Variants in RBFOX1 observed in about 807,000 individuals in gnomAD.
RBFOX1 encodes the protein RNA binding fox-1 homolog 1.
Under a neutral mutation model 57.7 loss-of-function variants are expected in RBFOX1, and 8 were observed. The observed-to-expected ratio is 0.14, with a 90% CI of 0.08 to 0.25. The LOEUF (loss-of-function observed/expected upper bound fraction) is 0.25, where lower values mean the gene tolerates loss of function less well. Ranked by LOEUF, RBFOX1 falls within the 10% of genes least tolerant of loss-of-function variation. The pLI is 1.00. For synonymous variants in RBFOX1, 326 were observed against 222.4 expected (o/e 1.47, Z -4.15); for missense variants, 611 against 548.5 (o/e 1.11, Z -1.14).
At chr16:7,199,558 C>T (rs1331378768) in intron 4 of RBFOX1, among the ~76,000 whole-genome samples, 3 of 152,150 alleles carry the variant, frequency 2.0e-5, no homozygotes, top group African/African-American at 7.2e-5. Context: ...TACTTCCATA[C>T]ACAGAATCAG....
chr16:6,392,912 T>TGAAG (rs1328469225), intron 2 of RBFOX1, among the ~76,000 whole-genome samples: 18 of 152,256 alleles, frequency 1.2e-4, no homozygotes, highest in Non-Finnish European at 2.2e-4. Flanking sequence ...ATAAACCATA[T>TGAAG]GACCCACCCT....
At chr16:5,305,776 A>G (rs2151207756) in intron 1 of RBFOX1, among the ~76,000 whole-genome samples, 1 of 152,300 alleles carries the variant, frequency 6.6e-6, no homozygotes, top group Admixed American at 6.5e-5. Flanking sequence ...ATGGTGAGTA[A>G]GCCAGATGCG....
At chr16:5,816,188 C>T (rs914953404) in intron 3 of RBFOX1, among the ~76,000 whole-genome samples, 1 of 152,186 alleles carries the variant, frequency 6.6e-6, no homozygotes, top group Non-Finnish European at 1.5e-5. Flanking sequence ...TCCTTCATCT[C>T]TGCTACATCC....
intron 4 of RBFOX1, among the ~76,000 whole-genome samples, chr16:7,128,270 T>C (rs1319789014): frequency 6.6e-6 from 1 of 152,234 alleles, no homozygotes; most frequent in African/African-American, 2.4e-5. Context: ...TTTCCTTGAA[T>C]CCTCACAATA....
intron 3 of RBFOX1, among the ~76,000 whole-genome samples, chr16:5,643,705 G>A (rs548445015): frequency 2.0e-4 from 30 of 152,202 alleles, no homozygotes; most frequent in South Asian, 8.3e-4. Context: ...GCACAGGATC[G>A]TGCCCTTTAT....
Position 7,597,248 on chromosome 16 carries a change from T to C in RBFOX1, c.562-123T>C, listed in dbSNP as rs2094751554. ...TATGCACCTACTGCCTTTTATAAAT[T>C]AAAATGCATTTTACTTTTTAGTTTT... is the stretch of plus-strand genomic sequence containing the variant. On this transcript the variant is annotated intron_variant, in intron 8 of 15. Transcript: ENST00000550418. 9.5e-6 allele frequency: 6 copies of C among 630,242 alleles called. No individual in the cohort carries two copies. The East Asian group carries it at 1.8e-4, about 19-fold the overall frequency. 39.0% of individuals were successfully genotyped at this position (630,242 alleles called of 1,614,324 possible). A position where few individuals can be genotyped will look rare whatever the true frequency, so the allele number is the denominator to read the frequency against.
rs184574057 is a variant in RBFOX1 at position 6,957,676 on chromosome 16, G to A, written c.-15-94381G>A. Among the ~76,000 whole-genome samples the A allele has an allele frequency of 2.0e-5, 3 of 152,250 alleles. No individual in the cohort carries two copies. The East Asian group carries it at 5.8e-4, about 30-fold the overall frequency. On this transcript the variant is annotated intron_variant, in intron 3 of 15. Transcript: ENST00000550418. ...CCTGTCTCATCTTGTGACTTAGAAT[G>A]CCTTAACCTCAGGGGAAAGTAGCCC...
chr16:5,451,357 G>T (rs1447504767), intron 1 of RBFOX1, among the ~76,000 whole-genome samples: 2 of 152,176 alleles, frequency 1.3e-5, no homozygotes, highest in African/African-American at 4.8e-5. Context: ...CTCCACTGTG[G>T]CGAAAAATAA....
intron 4 of RBFOX1, among the ~76,000 whole-genome samples, chr16:5,878,256 G>A (rs545503372): frequency 1.1e-4 from 16 of 152,256 alleles, no homozygotes; most frequent in East Asian, 7.7e-4. Flanking sequence ...TGGTTATAGC[G>A]GCAGCAGTGA....
chr16:7,445,702 T>G (rs552940551), intron 4 of RBFOX1, among the ~76,000 whole-genome samples: 1 of 152,334 alleles, frequency 6.6e-6, no homozygotes, highest in East Asian at 1.9e-4. Context: ...CTGTTACTGT[T>G]GTTGTTGTGT....
chr16:7,437,907 TAA>T lies in RBFOX1; in HGVS notation c.28-80228_28-80227del, dbSNP rs35968195. On this transcript the variant is annotated intron_variant, in intron 4 of 15. Coordinates refer to ENST00000550418, the MANE Select transcript of RBFOX1 (RefSeq NM_018723.4). ...ATAGGGTCATATTAGACAAATTGCT[TAA>T]AAAAAAAAAAAGCACACCGCGATCA... Among the ~76,000 whole-genome samples the T allele has an allele frequency of 1.8e-3, 262 of 144,992 alleles. 1 individual carries two copies. The highest frequency in any genetic ancestry group is 2.3e-3 in the Non-Finnish European group (153 of 65,550).
At chr16:6,195,249 T>A (rs926584339) in intron 1 of RBFOX1, among the ~76,000 whole-genome samples, 6 of 152,180 alleles carry the variant, frequency 3.9e-5, no homozygotes, top group African/African-American at 1.4e-4. Context: ...ATGTTTAGAG[T>A]CCGCCATCTT....
intron 3 of RBFOX1, among the ~76,000 whole-genome samples, chr16:6,662,101 G>C (rs2098704976): frequency 6.8e-6 from 1 of 146,986 alleles, no homozygotes; most frequent in Admixed American, 7.0e-5. Context: ...AAGAAGCAGA[G>C]AGTAGGATGG....
At chr16:5,910,540 A>G (rs2058579553) in intron 4 of RBFOX1, among the ~76,000 whole-genome samples, 2 of 152,058 alleles carry the variant, frequency 1.3e-5, no homozygotes, top group Non-Finnish European at 2.9e-5. Context: ...AAGATTTAGG[A>G]GCCCTTTTGG....
intron 4 of RBFOX1, among the ~76,000 whole-genome samples, chr16:7,088,181 C>T (rs1291726245): frequency 6.6e-6 from 1 of 152,062 alleles, no homozygotes; most frequent in Non-Finnish European, 1.5e-5. Flanking sequence ...TTTTTGAAAA[C>T]ATTGATGGTG....
chr16:5,397,522 A>G (rs1302616174), intron 1 of RBFOX1, among the ~76,000 whole-genome samples: 1 of 152,152 alleles, frequency 6.6e-6, no homozygotes, highest in African/African-American at 2.4e-5. Context: ...TCCCCTCTGT[A>G]CCACATTACA....
intron 3 of RBFOX1, among the ~76,000 whole-genome samples, chr16:6,771,930 C>T (rs547825820): frequency 6.6e-6 from 1 of 152,254 alleles, no homozygotes; most frequent in East Asian, 1.9e-4. Flanking sequence ...AGGTTATCTC[C>T]TACTCTGGGC....
At chr16:6,600,323 T>G (rs2097837166) in intron 2 of RBFOX1, among the ~76,000 whole-genome samples, 2 of 152,158 alleles carry the variant, frequency 1.3e-5, no homozygotes, top group Admixed American at 6.5e-5. Flanking sequence ...TGCCCAGCAT[T>G]GAGCTCCAGC....
intron 3 of RBFOX1, among the ~76,000 whole-genome samples, chr16:7,012,021 C>T (rs1330537484): frequency 1.3e-5 from 2 of 152,084 alleles, no homozygotes; most frequent in Admixed American, 6.5e-5. Context: ...AGTCCAGTCA[C>T]TGTAGGTCAA....
Sources: allele counts gnomAD v4.1 joint callset (sites outside exome capture counted in the v4.1 genomes callset), GRCh38; gene constraint gnomAD v4.1.1; transcripts MANE v1.5; gene names NCBI Gene and HGNC (gene_info 2026-07-23, HGNC 2026-07-21).